Variants in FDFT1 observed in about 807,000 individuals in gnomAD.
FDFT1 encodes farnesyl-diphosphate farnesyltransferase 1, also known as squalene synthase.
Under a neutral mutation model 46.8 loss-of-function variants are expected in FDFT1, and 68 were observed. The observed-to-expected ratio is 1.45, with a 90% CI of 1.19 to 1.78. The LOEUF (loss-of-function observed/expected upper bound fraction) is 1.78, where lower values mean the gene tolerates loss of function less well. Ranked by LOEUF, FDFT1 falls within the 40% of genes most tolerant of loss-of-function variation. FDFT1 has a pLI of 0.00. For synonymous variants in FDFT1, 351 were observed against 185.1 expected (o/e 1.90, Z -7.28); for missense variants, 928 against 524.4 (o/e 1.77, Z -7.52).
chr8:11,803,587 G>A (rs1315535197), intron 1 of FDFT1: 4 of 743,386 alleles, frequency 5.4e-6, no homozygotes, highest in Non-Finnish European at 7.2e-6. Context: ...TGAATGCATA[G>A]GAGGTGTTTT....
Position 11,826,163 on chromosome 8 carries a change from T to C in FDFT1, c.650T>C (p.Ile217Thr). The change falls in exon 5 of 8, where the codon ATC (isoleucine) becomes ACC (threonine). Residue 217 changes from isoleucine to threonine, a missense_variant. Transcript: ENST00000220584. ...CTGTTTTTGCAGAAAACAAACATCATCCGTGACTATCTGGAAGACCAGCAA... is the reference window on the plus strand; with the variant it reads ...CTGTTTTTGCAGAAAACAAACATCACCCGTGACTATCTGGAAGACCAGCAA... Reference protein sequence around the residue: ...MGLFLQKTNIIRDYLEDQQGG... With the variant: ...MGLFLQKTNITRDYLEDQQGG... The C allele has an allele frequency of 6.3e-7, 1 of 1,598,116 alleles. No homozygotes were observed. Among genetic ancestry groups the C allele is most frequent in the East Asian group, 2.2e-5 (1 of 44,574 alleles).
At chr8:11,806,560 T>C (rs1806865368) in intron 1 of FDFT1, among the ~76,000 whole-genome samples, 1 of 152,164 alleles carries the variant, frequency 6.6e-6, no homozygotes. Context: ...TTGAAGAGTG[T>C]TGGGGTTTAA....
intron 7 of FDFT1, among the ~76,000 whole-genome samples, chr8:11,836,980 ACTACAG>A (rs1485891345): frequency 3.3e-5 from 5 of 152,230 alleles, no homozygotes; most frequent in African/African-American, 1.2e-4. Flanking sequence ...CAGGGTGAAA[ACTACAG>A]ATGGTCCATT....
intron 1 of FDFT1, among the ~76,000 whole-genome samples, chr8:11,796,471 A>C (rs1370199653): frequency 6.6e-6 from 1 of 152,244 alleles, no homozygotes; most frequent in Non-Finnish European, 1.5e-5. Flanking sequence ...AGATCAGCCC[A>C]ATGAACACAA....
intron 3 of FDFT1, among the ~76,000 whole-genome samples, chr8:11,814,301 T>G (rs1398135106): frequency 2.4e-5 from 2 of 82,696 alleles, no homozygotes; most frequent in Non-Finnish European, 4.0e-5. Flanking sequence ...ATTTTATAGG[T>G]TTTTTTTTTT....
intron 7 of FDFT1, among the ~76,000 whole-genome samples, chr8:11,832,676 A>C (rs1459985798): frequency 3.3e-5 from 5 of 151,294 alleles, no homozygotes; most frequent in Non-Finnish European, 7.4e-5. Flanking sequence ...CCCAGAGGAC[A>C]TTGGACAATG....
intron 7 of FDFT1, 141 bp downstream of exon 7, chr8:11,831,811 T>G (rs1178318832): frequency 1.4e-6 from 1 of 738,550 alleles, no homozygotes; most frequent in East Asian, 2.6e-5. Flanking sequence ...TGATATCCTT[T>G]ATAAGGAAAA....
chr8:11,813,191 C>G (rs367616142), intron 3 of FDFT1, among the ~76,000 whole-genome samples: 1 of 152,138 alleles, frequency 6.6e-6, no homozygotes, highest in South Asian at 2.1e-4. Flanking sequence ...TTCCAGTCTC[C>G]GTTGACTGAA....
chr8:11,811,511 C>T (rs912878387), intron 3 of FDFT1, among the ~76,000 whole-genome samples: 1 of 152,170 alleles, frequency 6.6e-6, no homozygotes, highest in Non-Finnish European at 1.5e-5. Flanking sequence ...TGAATGCTAA[C>T]ATAATTTTGG....
chr8:11,796,516 T>C (rs988328210), intron 1 of FDFT1, among the ~76,000 whole-genome samples: 5 of 152,284 alleles, frequency 3.3e-5, no homozygotes, highest in African/African-American at 1.2e-4. Flanking sequence ...CTTGCTGTAG[T>C]AAGGGAGTTT....
chr8:11,837,980 C>T (rs1387079115), intron 7 of FDFT1, among the ~76,000 whole-genome samples: 1 of 152,204 alleles, frequency 6.6e-6, no homozygotes, highest in Non-Finnish European at 1.5e-5. Context: ...CGTGTTCCAT[C>T]TTGTTTCTAA....
intron 7 of FDFT1, among the ~76,000 whole-genome samples, chr8:11,832,910 C>G (rs374305984): frequency 6.6e-6 from 1 of 152,152 alleles, no homozygotes; most frequent in African/African-American, 2.4e-5. Context: ...GTCTAGTCCC[C>G]CTGTTACGCG....
At chr8:11,796,005 C>T (rs967948583) in exon 1 of FDFT1, 2 of 152,222 alleles carry the variant, frequency 1.3e-5, no homozygotes, top group African/African-American at 4.8e-5. Flanking sequence ...ACTCGACAGA[C>T]TCTAAGGTGA....
chr8:11,815,332 A>C, intron 3 of FDFT1, among the ~76,000 whole-genome samples: 1 of 152,096 alleles, frequency 6.6e-6, no homozygotes, highest in South Asian at 2.1e-4. Context: ...GTAAACATAC[A>C]TGTGCTTGTG....
chr8:11,799,647 G>A (rs2686195), upstream of FDFT1, among the ~76,000 whole-genome samples: 1 of 152,238 alleles, frequency 6.6e-6, no homozygotes, highest in Non-Finnish European at 1.5e-5. Flanking sequence ...CCTGGTGCTG[G>A]AAAGAAATAG....
chr8:11,821,159 A>T lies in FDFT1; in HGVS notation c.382-591A>T, dbSNP rs7015547. The stretch of plus-strand genomic sequence containing the variant: ...AACAAGCTGTTCTCCCAAAAACTTA[A>T]ACCCAGCTTTATGTTGAAGCATCTC... On this transcript the variant is annotated intron_variant, in intron 3 of 7. Coordinates refer to ENST00000220584, the MANE Select transcript of FDFT1 (RefSeq NM_004462.5). 2.7e-4 allele frequency among the ~76,000 whole-genome samples: 41 copies of T among 152,208 alleles called. 1 individual carries two copies. The South Asian group carries it at 7.9e-3, about 29-fold the overall frequency.
At position 11,802,788 on chromosome 8, in the gene FDFT1, C is replaced by G. The variant is rs780558910; in HGVS notation, c.-45C>G. On this transcript the variant is annotated 5_prime_UTR_variant, in exon 1 of 8. Transcript: ENST00000220584. ...AGCCGGCCGGTGAGCGCCTGGGGAC[C>G]GCAGAGGTGAGAGTCGCGCCCGGGA... 2.7e-6 allele frequency: 4 copies of G among 1,487,138 alleles called. No individual in the cohort carries two copies. The highest frequency in any genetic ancestry group is 3.7e-6 in the Non-Finnish European group (4 of 1,078,416). The allele number at this position is 1,487,138 out of a possible 1,614,324, so 92.1% of individuals were successfully genotyped here.
upstream of FDFT1, among the ~76,000 whole-genome samples, chr8:11,799,255 C>A (rs1805864762): frequency 6.6e-6 from 1 of 152,238 alleles, no homozygotes; most frequent in Admixed American, 6.5e-5. Context: ...GAGAAAGTTA[C>A]TGAGATCAAT....
At chr8:11,811,050 T>G (rs6993946) in intron 3 of FDFT1, among the ~76,000 whole-genome samples, 27,313 of 149,328 alleles carry the variant, frequency 0.18, 2,918 homozygotes, top group African/African-American at 0.31. Context: ...TAGTACAACA[T>G]AATACAAATG....
Sources: allele counts gnomAD v4.1 joint callset (sites outside exome capture counted in the v4.1 genomes callset), GRCh38; gene constraint gnomAD v4.1.1; transcripts MANE v1.5; gene names NCBI Gene and HGNC (gene_info 2026-07-23, HGNC 2026-07-21).